Variants in PTCSC3 observed in about 807,000 individuals in gnomAD.
PTCSC3 encodes the protein papillary thyroid carcinoma susceptibility candidate 3 (non-protein coding).
At chr14:36,161,795 C>G (rs952202634) in intron 2 of PTCSC3, among the ~76,000 whole-genome samples, 1 of 152,208 alleles carries the variant, frequency 6.6e-6, no homozygotes, top group East Asian at 1.9e-4. Flanking sequence ...CAGGTAGGCA[C>G]ATTTAAGTCT....
intron 1 of PTCSC3, among the ~76,000 whole-genome samples, chr14:36,174,200 T>C (rs1032019375): frequency 6.6e-6 from 1 of 151,964 alleles, no homozygotes; most frequent in African/African-American, 2.4e-5. Flanking sequence ...TTTCTTCTAC[T>C]AGGACTCAAT....
chr14:36,149,874 G>A (rs569711943), intron 3 of PTCSC3, among the ~76,000 whole-genome samples: 73 of 152,122 alleles, frequency 4.8e-4, no homozygotes, highest in African/African-American at 1.7e-3. Context: ...TATCCAAAAT[G>A]CTTAGGACCA....
intron 1 of PTCSC3, among the ~76,000 whole-genome samples, chr14:36,169,094 T>G (rs1288666774): frequency 6.6e-6 from 1 of 152,040 alleles, no homozygotes; most frequent in Non-Finnish European, 1.5e-5. Flanking sequence ...CATAACTGGG[T>G]TAGTACTAGA....
chr14:36,147,005 A>G (rs1162620270), intron 3 of PTCSC3, among the ~76,000 whole-genome samples: 2 of 151,668 alleles, frequency 1.3e-5, no homozygotes, highest in East Asian at 3.9e-4. Context: ...CTCTCTTCTG[A>G]CTTGTAGAGT....
intron 1 of PTCSC3, among the ~76,000 whole-genome samples, chr14:36,169,275 G>A (rs1882151754): frequency 6.6e-6 from 1 of 152,086 alleles, no homozygotes; most frequent in African/African-American, 2.4e-5. Flanking sequence ...GTAATATTAA[G>A]AATAGCTCTC....
At chr14:36,163,982 G>C (rs1882032329) in intron 1 of PTCSC3, 1 of 152,176 alleles carries the variant, frequency 6.6e-6, no homozygotes, top group South Asian at 2.1e-4. Context: ...GTCAGGAGAA[G>C]ATTAAAATAT....
At chr14:36,146,952 G>A (rs1446122134) in intron 3 of PTCSC3, among the ~76,000 whole-genome samples, 2 of 152,082 alleles carry the variant, frequency 1.3e-5, no homozygotes, top group Non-Finnish European at 2.9e-5. Flanking sequence ...GAAATTCTGG[G>A]TTGAAAATTC....
At chr14:36,143,156 C>T (rs1881466888) in intron 3 of PTCSC3, among the ~76,000 whole-genome samples, 1 of 149,370 alleles carries the variant, frequency 6.7e-6, no homozygotes, top group Non-Finnish European at 1.5e-5. Flanking sequence ...GATTTATAGT[C>T]CTTTGGGTAT....
At chr14:36,148,170 T>C (rs1227782120) in intron 3 of PTCSC3, among the ~76,000 whole-genome samples, 1 of 151,992 alleles carries the variant, frequency 6.6e-6, no homozygotes, top group Non-Finnish European at 1.5e-5. Flanking sequence ...GCAGGCCTCC[T>C]TGAGCTGTGG....
intron 3 of PTCSC3, among the ~76,000 whole-genome samples, chr14:36,151,354 T>G (rs1358356300): frequency 6.6e-6 from 1 of 152,138 alleles, no homozygotes; most frequent in Non-Finnish European, 1.5e-5. Context: ...GGATATCATA[T>G]GCCTAAATTT....
intron 1 of PTCSC3, among the ~76,000 whole-genome samples, chr14:36,163,744 G>C (rs1882025783): frequency 6.6e-6 from 1 of 152,084 alleles, no homozygotes; most frequent in Non-Finnish European, 1.5e-5. Context: ...TTTTAAAATA[G>C]AACGGCACGA....
At chr14:36,173,844 T>C (rs142247761) in intron 1 of PTCSC3, among the ~76,000 whole-genome samples, 4 of 152,292 alleles carry the variant, frequency 2.6e-5, no homozygotes, top group African/African-American at 9.6e-5. Flanking sequence ...ACGGAGGCTC[T>C]TTCTGCTGGA....
downstream of PTCSC3, among the ~76,000 whole-genome samples, chr14:36,134,933 C>T (rs767340919): frequency 3.2e-4 from 48 of 152,296 alleles, no homozygotes; most frequent in Middle Eastern, 3.4e-3. Flanking sequence ...TGCCATTATT[C>T]ATCATTATGC....
chr14:36,170,092 G>T (rs1332717684), intron 1 of PTCSC3, among the ~76,000 whole-genome samples: 1 of 152,078 alleles, frequency 6.6e-6, no homozygotes, highest in Non-Finnish European at 1.5e-5. Context: ...ATTTTCTGAT[G>T]CTGGGAGAGG....
chr14:36,171,207 C>G (rs1882186310), intron 1 of PTCSC3, among the ~76,000 whole-genome samples: 1 of 151,878 alleles, frequency 6.6e-6, no homozygotes, highest in Non-Finnish European at 1.5e-5. Context: ...TTCTTTTTAC[C>G]TTCTTTCCTA....
chr14:36,163,246 A>G (rs1445496786), intron 1 of PTCSC3, among the ~76,000 whole-genome samples: 2 of 152,244 alleles, frequency 1.3e-5, no homozygotes, highest in East Asian at 3.9e-4. Context: ...GAAAAGAATA[A>G]AATAAGCATA....
At chr14:36,166,946 G>A (rs1001392104) in intron 1 of PTCSC3, among the ~76,000 whole-genome samples, 7 of 152,164 alleles carry the variant, frequency 4.6e-5, no homozygotes, top group African/African-American at 1.7e-4. Context: ...ACTTTATAGC[G>A]ACCAACAAAT....
intron 3 of PTCSC3, among the ~76,000 whole-genome samples, chr14:36,152,982 T>C (rs1881756445): frequency 1.3e-5 from 2 of 152,152 alleles, no homozygotes; most frequent in African/African-American, 4.8e-5. Flanking sequence ...GACAGCTGTT[T>C]CAGTCAGCTT....
intron 3 of PTCSC3, among the ~76,000 whole-genome samples, chr14:36,150,823 C>A (rs1190758687): frequency 6.6e-6 from 1 of 152,144 alleles, no homozygotes; most frequent in Non-Finnish European, 1.5e-5. Context: ...AATGTCTTCT[C>A]ATTCCTTATA....
Sources: gnomAD v4.1 joint callset for allele counts (sites outside exome capture counted in the v4.1 genomes callset) on GRCh38, gnomAD v4.1.1 for gene constraint, MANE v1.5 for transcripts, NCBI Gene and HGNC (gene_info 2026-07-23, HGNC 2026-07-21) for gene names.